CCDC191: variants seen among roughly 807,000 people sequenced by gnomAD.
CCDC191 encodes coiled-coil domain-containing protein 191.
CCDC191 carries 99 observed loss-of-function variants against 114.0 expected under a neutral mutation model. That is an observed-to-expected ratio of 0.87 (90% CI 0.74 to 1.03). The LOEUF is 1.03. CCDC191 is among the 50% of genes least tolerant of loss of function. CCDC191 has a pLI of 0.00. For synonymous variants in CCDC191, 351 were observed against 376.0 expected (o/e 0.93, Z 0.77); for missense variants, 973 against 1,087.0 (o/e 0.90, Z 1.47).
intron 13 of CCDC191, among the ~76,000 whole-genome samples, chr3:113,988,487 G>A (rs139463038): frequency 0.071 from 10,774 of 151,848 alleles, 426 homozygotes; most frequent in Middle Eastern, 0.11. Flanking sequence ...TTAGCCAGGC[G>A]TGGTGGTGCG....
chr3:114,051,357 C>T (rs1347828062), intron 2 of CCDC191, among the ~76,000 whole-genome samples: 1 of 152,152 alleles, frequency 6.6e-6, no homozygotes, highest in African/African-American at 2.4e-5. Flanking sequence ...ACTGCATCCT[C>T]GAACCCCTTG....
chr3:114,013,536 A>G (rs889445713), intron 8 of CCDC191, among the ~76,000 whole-genome samples: 1 of 152,260 alleles, frequency 6.6e-6, no homozygotes, highest in African/African-American at 2.4e-5. Flanking sequence ...GCTCACCTAA[A>G]GAAATGGTTT....
intron 2 of CCDC191, chr3:114,047,220 CAG>C (rs1021145453): frequency 2.4e-5 from 14 of 587,400 alleles, no homozygotes; most frequent in Non-Finnish European, 2.6e-5. Flanking sequence ...TTGGAATAAA[CAG>C]AATCACTGAA....
chr3:114,026,747 G>A (rs1464014273), intron 7 of CCDC191, among the ~76,000 whole-genome samples: 10 of 152,152 alleles, frequency 6.6e-5, no homozygotes, highest in Admixed American at 6.5e-4. Flanking sequence ...GTTTGAGGTG[G>A]ACTTTTGGAA....
At chr3:113,981,553 A>T (rs1253671966) in intron 13 of CCDC191, among the ~76,000 whole-genome samples, 3 of 152,234 alleles carry the variant, frequency 2.0e-5, no homozygotes, top group Non-Finnish European at 4.4e-5. Context: ...ACACAAGAGC[A>T]ACAAAGACTG....
intron 9 of CCDC191, among the ~76,000 whole-genome samples, chr3:114,006,540 A>G (rs1164838758): frequency 6.8e-6 from 1 of 146,670 alleles, no homozygotes; most frequent in Admixed American, 6.9e-5. Flanking sequence ...TCTCTTATAA[A>G]TTTCTAATTT....
At chr3:113,994,818 G>T (rs907350151) in intron 13 of CCDC191, among the ~76,000 whole-genome samples, 13 of 152,030 alleles carry the variant, frequency 8.6e-5, no homozygotes, top group Non-Finnish European at 1.6e-4. Context: ...TTGGGCTCAA[G>T]AAATCCTCCC....
At chr3:114,006,176 T>C in intron 9 of CCDC191, 1 of 643,124 alleles carries the variant, frequency 1.6e-6, no homozygotes, top group Non-Finnish European at 2.8e-6. Context: ...TGGCCGGCTG[T>C]GGTGGCTCAT....
At chr3:113,986,653 T>C (rs1431433716) in intron 13 of CCDC191, among the ~76,000 whole-genome samples, 1 of 152,206 alleles carries the variant, frequency 6.6e-6, no homozygotes, top group East Asian at 1.9e-4. Flanking sequence ...GTTGAAGCCC[T>C]AACCCCTAGT....
At chr3:114,008,962 G>A (rs1457323464) in intron 9 of CCDC191, among the ~76,000 whole-genome samples, 1 of 152,096 alleles carries the variant, frequency 6.6e-6, no homozygotes, top group Non-Finnish European at 1.5e-5. Context: ...ATATGGTATA[G>A]CCTATTGCCC....
intron 5 of CCDC191, among the ~76,000 whole-genome samples, 166 bp downstream of exon 5, chr3:114,036,442 A>C (rs961607432): frequency 1.3e-5 from 2 of 152,056 alleles, no homozygotes; most frequent in Non-Finnish European, 2.9e-5. Flanking sequence ...GTTTATGAGA[A>C]TTATTTTTCT....
chr3:114,031,805 T>G, intron 6 of CCDC191, 26 bp from the exon 7 acceptor site: 1 of 1,008,350 alleles, frequency 9.9e-7, no homozygotes, highest in East Asian at 2.6e-5. Flanking sequence ...TAAAAATACA[T>G]GTATATTTAC....
intron 13 of CCDC191, among the ~76,000 whole-genome samples, chr3:113,990,931 C>CAAAAAAA (rs35483860): frequency 2.1e-5 from 1 of 47,632 alleles, no homozygotes; most frequent in Non-Finnish European, 3.8e-5. Flanking sequence ...TAAAGCACCT[C>CAAAAAAA]AAAAAAAAAA....
chr3:114,025,680 T>C (rs2076310412), intron 7 of CCDC191, among the ~76,000 whole-genome samples: 1 of 152,188 alleles, frequency 6.6e-6, no homozygotes, highest in Admixed American at 6.5e-5. Flanking sequence ...TGAACACTCA[T>C]GAGTTCTCGT....
rs771577283 is a variant in CCDC191 at position 114,002,537 on chromosome 3, A to G, written c.1980T>C (p.Ala660=). The G allele has an allele frequency of 6.2e-7, 1 of 1,604,998 alleles. No individual in the cohort carries two copies. The highest frequency in any genetic ancestry group is 1.7e-5 in the Admixed American group (1 of 59,080). ...QLMTPHPILK[A]MEERAIQRAE... is the part of the protein sequence containing the mutation. The stretch of plus-strand genomic sequence containing the variant: ...CTCGTTGAATTGCTCTCTCTTCCAT[A>G]GCTAGAAAATAGTAACAGAGTTCTA... Residue 660 remains alanine (A), a splice_region_variant and synonymous_variant, in exon 12 of 17, where the codon GCT becomes GCC. Transcript: ENST00000295878.
intron 3 of CCDC191, among the ~76,000 whole-genome samples, chr3:114,043,215 G>C (rs1161167312): frequency 1.3e-5 from 2 of 152,180 alleles, no homozygotes; most frequent in African/African-American, 4.8e-5. Flanking sequence ...TCTCTGCAGA[G>C]GGAAAGCAAA....
At chr3:114,037,867 C>T (rs2076507698) in intron 4 of CCDC191, among the ~76,000 whole-genome samples, 1 of 152,122 alleles carries the variant, frequency 6.6e-6, no homozygotes, top group Non-Finnish European at 1.5e-5. Flanking sequence ...CATGTAAGTA[C>T]AGATGGAATT....
At chr3:113,980,823 G>C (rs749005671) in intron 13 of CCDC191, 30 bp from the exon 14 acceptor site, 1 of 1,577,790 alleles carries the variant, frequency 6.3e-7, no homozygotes, top group African/African-American at 1.4e-5. Context: ...AAAATGCTAT[G>C]ATCAAAAAAC....
chr3:113,981,673 A>G (rs2075156137), intron 13 of CCDC191, among the ~76,000 whole-genome samples: 1 of 152,216 alleles, frequency 6.6e-6, no homozygotes, highest in African/African-American at 2.4e-5. Context: ...GCAGTGGTGA[A>G]CTGGCTGATC....
Sources: gnomAD v4.1 joint callset for allele counts (sites outside exome capture counted in the v4.1 genomes callset) on GRCh38, gnomAD v4.1.1 for gene constraint, MANE v1.5 for transcripts, NCBI Gene and HGNC (gene_info 2026-07-23, HGNC 2026-07-21) for gene names.